The following GGA3 variants were observed in gnomAD, a reference collection of about 807,000 sequenced individuals.
The protein encoded by GGA3 is golgi associated, gamma adaptin ear containing, ARF binding protein 3.
In GGA3, 57 loss-of-function variants were observed where a neutral mutation model predicts 77.5. The observed-to-expected ratio is 0.74, with a 90% CI of 0.59 to 0.92. The LOEUF (loss-of-function observed/expected upper bound fraction) is 0.92. Among genes scored for constraint, GGA3 ranks in the 40% least tolerant of loss-of-function variants. The pLI is 0.00. For synonymous variants in GGA3, 416 were observed against 383.7 expected, an observed-to-expected ratio of 1.08 and a Z score of -0.98; for missense variants, 970 against 914.9, an observed-to-expected ratio of 1.06 and a Z score of -0.78.
chr17:75,257,216 T>C (rs2077179892), intron 1 of GGA3, among the ~76,000 whole-genome samples: 1 of 151,802 alleles, frequency 6.6e-6, no homozygotes, highest in Non-Finnish European at 1.5e-5. Context: ...TAAGCTCCTG[T>C]ATAGATGCTC....
At chr17:75,261,848 C>G (rs2077396055), upstream of GGA3, 1 of 1,570,860 alleles carries the variant, frequency 6.4e-7, no homozygotes, top group Non-Finnish European at 8.7e-7. Flanking sequence ...TTTCCCGTCA[C>G]TCGCTCAGGC....
upstream of GGA3, chr17:75,262,101 GCTT>G: frequency 8.1e-7 from 1 of 1,240,180 alleles, no homozygotes; most frequent in Middle Eastern, 2.5e-4. Flanking sequence ...CTGGATTCAA[GCTT>G]CTAAGTTAGC....
chr17:75,260,040 T>G (rs532870460), intron 1 of GGA3, among the ~76,000 whole-genome samples: 16 of 152,232 alleles, frequency 1.1e-4, no homozygotes, highest in African/African-American at 3.9e-4. Flanking sequence ...TCCCAGCTAC[T>G]CAGGAGGCTG....
intron 1 of GGA3, among the ~76,000 whole-genome samples, chr17:75,260,187 G>A (rs1023550792): frequency 6.6e-6 from 1 of 152,154 alleles, no homozygotes; most frequent in Non-Finnish European, 1.5e-5. Flanking sequence ...AACTCTAAAT[G>A]TAGCCTATTA....
intron 3 of GGA3, 144 bp from the exon 4 acceptor site, chr17:75,244,861 C>G (rs551194438): frequency 6.2e-6 from 4 of 647,958 alleles, no homozygotes; most frequent in Non-Finnish European, 1.1e-5. Flanking sequence ...GTGCACTGCC[C>G]GGGGACAGTG....
intron 1 of GGA3, among the ~76,000 whole-genome samples, chr17:75,260,999 C>T (rs973770275): frequency 2.6e-5 from 4 of 152,216 alleles, no homozygotes; most frequent in Admixed American, 2.6e-4. Flanking sequence ...TCTCTGTTCT[C>T]TATCATCGCT....
upstream of GGA3, chr17:75,262,096 T>G (rs1215055709): frequency 1.6e-6 from 2 of 1,278,244 alleles, no homozygotes; most frequent in East Asian, 2.4e-5. Flanking sequence ...AGTATCTGGA[T>G]TCAAGCTTCT....
chr17:75,245,897 T>C (rs2076739572), intron 3 of GGA3, among the ~76,000 whole-genome samples: 1 of 152,190 alleles, frequency 6.6e-6, no homozygotes, highest in Admixed American at 6.5e-5. Flanking sequence ...TGATATTTCC[T>C]CTTTTCGCTT....
In GGA3 at chr17:75,238,382, A is replaced by G; in HGVS notation, c.2069T>C (p.Val690Ala). ...MLLANPLKEK[V>A]RLRYKLTFAL... is the part of the protein sequence containing the mutation. The stretch of plus-strand genomic sequence containing the variant: ...GAAGGTCAGCTTATACCGAAGCCGC[A>G]CCTTCTCCTGTGACAGAGGGCAGCA... The change falls in exon 17 of 17, where the codon GTG becomes GCG. Residue 690 changes from valine to alanine, a missense_variant. Coordinates refer to ENST00000537686, the MANE Select transcript of GGA3 (RefSeq NM_138619.4). 2 of 1,613,434 alleles carry G rather than the reference A, an allele frequency of 1.2e-6. No individual in the cohort carries two copies. Among genetic ancestry groups the G allele is most frequent in the South Asian group, 2.2e-5 (2 of 91,058 alleles).
intron 4 of GGA3, 61 bp downstream of exon 4, chr17:75,244,558 T>C (rs1206256494): frequency 1.2e-5 from 12 of 996,122 alleles, no homozygotes; most frequent in Non-Finnish European, 1.8e-5. Flanking sequence ...GCCAGTATGA[T>C]GGGAGATGGG....
At chr17:75,243,805 T>C (rs1052755698) in intron 4 of GGA3, among the ~76,000 whole-genome samples, 7 of 152,084 alleles carry the variant, frequency 4.6e-5, no homozygotes, top group Non-Finnish European at 8.8e-5. Context: ...CATCACCTCC[T>C]GTCCAGGAAG....
At chr17:75,242,508 G>A (rs368637365) in intron 7 of GGA3, 35 bp from the exon 8 acceptor site, 126 of 1,612,748 alleles carry the variant, frequency 7.8e-5, no homozygotes, top group African/African-American at 5.9e-4. Flanking sequence ...GAAAGAGAGC[G>A]TCACTTGACT....
intron 1 of GGA3, among the ~76,000 whole-genome samples, chr17:75,254,873 A>G (rs1389317194): frequency 6.6e-6 from 1 of 152,144 alleles, no homozygotes; most frequent in Admixed American, 6.5e-5. Flanking sequence ...CTGGCCACCG[A>G]GCCAAGGAAT....
rs760202617 is a variant in GGA3 at position 75,243,176 on chromosome 17, G to A, written c.425-10C>T. 3 of 1,583,134 alleles carry A rather than the reference G, an allele frequency of 1.9e-6. No homozygotes were observed. The highest frequency in any genetic ancestry group is 1.8e-5 in the Admixed American group (1 of 56,690). On this transcript the variant is annotated splice_polypyrimidine_tract_variant and intron_variant, in intron 5 of 16. Transcript: ENST00000537686. ...TCAGACTGCACTATGCCTGAAAGGG[G>A]ACATGGCAGCACGTGCACTCAGGCT...
intron 3 of GGA3, 131 bp from the exon 4 acceptor site, chr17:75,244,848 A>T: frequency 1.5e-6 from 1 of 683,988 alleles, no homozygotes; most frequent in Admixed American, 2.3e-5. Context: ...CACGAAAAGC[A>T]GTGTGCACTG....
In GGA3 at chr17:75,242,369, C is replaced by T. The variant is rs543537775; in HGVS notation, c.714G>A (p.Glu238=). The change falls in exon 8 of 17, where the codon GAG becomes GAA. Residue 238 remains glutamate, a synonymous_variant. Transcript: ENST00000537686. ...GCTCTCTGTCCCCGTCCGAAGAGTCCTCCTGGCTGTAATGAAGCAGCATCT... is the reference window on the plus strand; with the variant it reads ...GCTCTCTGTCCCCGTCCGAAGAGTCTTCCTGGCTGTAATGAAGCAGCATCT... The part of the protein sequence containing the change: ...LSEMLLHYSQ[E]DSSDGDRELM... The T allele has an allele frequency of 1.2e-6, 2 of 1,614,168 alleles. No individual in the cohort carries two copies. Among genetic ancestry groups the T allele is most frequent in the Non-Finnish European group, 8.5e-7 (1 of 1,179,982 alleles).
rs767843294 is a variant in GGA3, at chr17:75,242,442, C to T, written c.641G>A (p.Arg214His). The T allele has an allele frequency of 1.1e-5, 18 of 1,614,146 alleles. No individual in the cohort carries two copies. Among genetic ancestry groups the T allele is most frequent in the Non-Finnish European group, 1.1e-5 (13 of 1,179,982 alleles). Residue 214 changes from arginine to histidine, a missense_variant, in exon 8 of 17, where the codon CGT becomes CAT. Physicochemically the swap from Arg to His is conservative, Grantham distance 29. Transcript: ENST00000537686. ...GTTAACTTCCTCTAACGTGTGCAGA[C>T]GCTTGGTCACCTTCTGGATCCGTGC... is the stretch of plus-strand genomic sequence containing the variant. ...DEARIQKVTK[R>H]LHTLEEVNNN...
At position 75,237,407 on chromosome 17, in the gene GGA3, G is replaced by A. The variant is rs1401523981; in HGVS notation, c.*872C>T. 2.3e-6 allele frequency: 3 copies of A among 1,316,276 alleles called. No homozygotes were observed. The highest frequency in any genetic ancestry group is 3.2e-6 in the Non-Finnish European group (3 of 946,062). 81.5% of individuals were successfully genotyped at this position (1,316,276 alleles called of 1,614,324 possible). A position where few individuals can be genotyped will look rare whatever the true frequency, so the allele number is the denominator to read the frequency against. On this transcript the variant is annotated 3_prime_UTR_variant, in exon 17 of 17. Transcript: ENST00000537686. ...GAGAGGGAGGCCAAAGCAGTAGGAT[G>A]TAGAGTGGCGGTAGATTCCAAGGGG... is the stretch of plus-strand genomic sequence containing the variant.
Position 75,238,285 on chromosome 17 carries a change from G to A in GGA3, c.2166C>T (p.Asn722=), listed in dbSNP as rs142559174. 15 of 1,612,848 alleles carry A rather than the reference G, an allele frequency of 9.3e-6. No homozygotes were observed. The highest frequency in any genetic ancestry group is 1.3e-5 in the Non-Finnish European group (15 of 1,179,470). The change falls in exon 17 of 17, where the codon AAC becomes AAT. Residue 722 remains asparagine, a synonymous_variant. Coordinates refer to ENST00000537686, the MANE Select transcript of GGA3 (RefSeq NM_138619.4). The part of the protein sequence containing the change: ...DQFPPVEQWG[N]L ...ATCACAGCGTCCTCTGGGGTCATAG[G>A]TTCCCCCACTGTTCCACAGGAGGGA...
Sources: allele counts gnomAD v4.1 joint callset (sites outside exome capture counted in the v4.1 genomes callset), GRCh38; gene constraint gnomAD v4.1.1; transcripts MANE v1.5; gene names NCBI Gene and HGNC (gene_info 2026-07-23, HGNC 2026-07-21).